The following MAGI2 variants were observed in gnomAD, a reference collection of about 807,000 sequenced individuals.
The protein encoded by MAGI2 is membrane-associated guanylate kinase, WW and PDZ domain-containing protein 2.
In MAGI2, 35 loss-of-function variants were observed where a neutral mutation model predicts 133.3. The ratio of observed to expected loss-of-function variants is 0.26; its 90% CI spans 0.20 to 0.35. The LOEUF (loss-of-function observed/expected upper bound fraction) is 0.35, where lower values mean the gene tolerates loss of function less well. Ranked by LOEUF, MAGI2 falls within the 10% of genes least tolerant of loss-of-function variation. The pLI is 1.00. For synonymous variants in MAGI2, 729 were observed against 710.6 expected (o/e 1.03, Z -0.41); for missense variants, 1,636 against 1,863.4 (o/e 0.88, Z 2.25).
intron 1 of MAGI2, among the ~76,000 whole-genome samples, chr7:79,254,025 T>C (rs1585336194): frequency 6.6e-6 from 1 of 152,020 alleles, no homozygotes. Context: ...AAAAGGTTAC[T>C]GTTAACAGTG....
At chr7:78,514,731 C>G (rs752056399) in intron 4 of MAGI2, among the ~76,000 whole-genome samples, 2 of 152,194 alleles carry the variant, frequency 1.3e-5, no homozygotes, top group African/African-American at 2.4e-5. Flanking sequence ...GTGACAGGGT[C>G]TCATTCACAG....
intron 1 of MAGI2, among the ~76,000 whole-genome samples, chr7:79,057,891 A>C (rs1813302116): frequency 6.6e-6 from 1 of 152,074 alleles, no homozygotes; most frequent in South Asian, 2.1e-4. Flanking sequence ...ATTTTTTGCT[A>C]ATCCCAAAAT....
At chr7:79,089,345 C>T (rs184953998) in intron 1 of MAGI2, among the ~76,000 whole-genome samples, 87 of 152,222 alleles carry the variant, frequency 5.7e-4, no homozygotes, top group African/African-American at 2.0e-3. Flanking sequence ...AACGTTTTTA[C>T]ACTGGTAGTA....
intron 1 of MAGI2, among the ~76,000 whole-genome samples, chr7:79,443,962 C>T (rs1181795293): frequency 1.3e-5 from 2 of 152,052 alleles, no homozygotes; most frequent in Non-Finnish European, 2.9e-5. Flanking sequence ...CACTATAAGG[C>T]AGTTATGAGG....
intron 2 of MAGI2, among the ~76,000 whole-genome samples, chr7:78,686,228 A>T (rs969571055): frequency 4.6e-5 from 7 of 151,798 alleles, no homozygotes; most frequent in Non-Finnish European, 1.0e-4. Context: ...TTTTACCGAG[A>T]TTTAACTAGG....
At chr7:78,315,934 T>C (rs185917586) in intron 9 of MAGI2, among the ~76,000 whole-genome samples, 11 of 152,330 alleles carry the variant, frequency 7.2e-5, no homozygotes, top group African/African-American at 2.6e-4. Context: ...ATACTTTCTC[T>C]GGCTTACTCC....
At chr7:78,475,841 G>A (rs58860418) in intron 6 of MAGI2, among the ~76,000 whole-genome samples, 2,004 of 151,914 alleles carry the variant, frequency 0.013, 51 homozygotes, top group African/African-American at 0.046. Context: ...ACATTTAGGA[G>A]TGACTCTAAA....
At chr7:79,378,544 T>A (rs1381845506) in intron 1 of MAGI2, among the ~76,000 whole-genome samples, 1 of 151,496 alleles carries the variant, frequency 6.6e-6, no homozygotes, top group African/African-American at 2.4e-5. Flanking sequence ...AATGGAAGAA[T>A]CATTTTATTT....
At chr7:78,079,276 A>G (rs903597746) in intron 20 of MAGI2, among the ~76,000 whole-genome samples, 191 bp from the exon 21 acceptor site, 2 of 152,202 alleles carry the variant, frequency 1.3e-5, no homozygotes, top group African/African-American at 4.8e-5. Context: ...ATTTACCTTT[A>G]CAGAAATGAA....
intron 2 of MAGI2, among the ~76,000 whole-genome samples, chr7:78,997,195 A>T (rs1257382041): frequency 6.6e-6 from 1 of 152,198 alleles, no homozygotes; most frequent in Non-Finnish European, 1.5e-5. Context: ...ATATTTGCCG[A>T]TTTTGCATGC....
At chr7:78,052,873 A>T (rs11764102) in intron 21 of MAGI2, among the ~76,000 whole-genome samples, 6,409 of 152,174 alleles carry the variant, frequency 0.042, 171 homozygotes, top group East Asian at 0.077. Context: ...GATTTTTTTA[A>T]AGTAGTGGAA....
chr7:79,390,136 T>C (rs1844492772), intron 1 of MAGI2, among the ~76,000 whole-genome samples: 1 of 152,266 alleles, frequency 6.6e-6, no homozygotes, highest in Non-Finnish European at 1.5e-5. Flanking sequence ...GAGTTTCCCA[T>C]ATGGCCACCA....
chr7:78,799,052 G>C (rs1223098022), intron 2 of MAGI2, among the ~76,000 whole-genome samples: 1 of 152,132 alleles, frequency 6.6e-6, no homozygotes, highest in Non-Finnish European at 1.5e-5. Flanking sequence ...GATTGTTGAG[G>C]GTTAATAACT....
At chr7:78,233,296 G>A (rs762938874) in intron 10 of MAGI2, among the ~76,000 whole-genome samples, 1 of 152,142 alleles carries the variant, frequency 6.6e-6, no homozygotes, top group East Asian at 1.9e-4. Context: ...AAAGGAGTCT[G>A]AAAAGAAGCA....
chr7:79,365,752 C>T (rs897802968), intron 1 of MAGI2, among the ~76,000 whole-genome samples: 6 of 148,390 alleles, frequency 4.0e-5, no homozygotes, highest in Non-Finnish European at 5.9e-5. Context: ...CCCAGCTACT[C>T]AGGAGGCTGA....
chr7:78,355,643 T>C (rs1791997527), intron 7 of MAGI2, among the ~76,000 whole-genome samples: 3 of 152,182 alleles, frequency 2.0e-5, no homozygotes, highest in Admixed American at 2.0e-4. Context: ...AACACTGAGT[T>C]AGGTGATTCT....
chr7:78,515,725 C>T (rs1195027359), intron 4 of MAGI2, among the ~76,000 whole-genome samples: 3 of 152,164 alleles, frequency 2.0e-5, no homozygotes, highest in South Asian at 2.1e-4. Flanking sequence ...AATGGAGAAA[C>T]CCCATCTCTA....
intron 1 of MAGI2, among the ~76,000 whole-genome samples, chr7:79,028,247 A>ATATATATATATATATATGTATG (rs1562805082): frequency 1.3e-4 from 6 of 46,888 alleles, no homozygotes; most frequent in African/African-American, 5.0e-4. Context: ...ATATATATAT[A>ATATATATATATATATATGTATG]TATATATATA....
intron 1 of MAGI2, among the ~76,000 whole-genome samples, chr7:79,374,179 A>G (rs1843230537): frequency 6.6e-6 from 1 of 151,974 alleles, no homozygotes; most frequent in African/African-American, 2.4e-5. Context: ...TTCTCTCAAA[A>G]TCAATAACCC....
Sources: allele counts gnomAD v4.1 joint callset (sites outside exome capture counted in the v4.1 genomes callset), GRCh38; gene constraint gnomAD v4.1.1; transcripts MANE v1.5; gene names NCBI Gene and HGNC (gene_info 2026-07-23, HGNC 2026-07-21).